Variants in ADGRL3 observed in about 807,000 individuals in gnomAD.
ADGRL3 encodes calcium-independent alpha-latrotoxin receptor 3.
In ADGRL3, 62 loss-of-function variants were observed where a neutral mutation model predicts 153.5. The ratio of observed to expected loss-of-function variants is 0.40; its 90% CI spans 0.33 to 0.50. The LOEUF is 0.50. ADGRL3 is among the 20% of genes least tolerant of loss of function. The pLI, the probability that ADGRL3 is intolerant of heterozygous loss-of-function variation, is 0.47. For missense variants in ADGRL3, 1,641 were observed against 1,859.4 expected (o/e 0.88, Z 2.16); for synonymous variants, 710 against 672.5 (o/e 1.06, Z -0.86).
chr4:61,456,944 A>G (rs1255651804), intron 2 of ADGRL3, among the ~76,000 whole-genome samples: 1 of 152,022 alleles, frequency 6.6e-6, no homozygotes, highest in Non-Finnish European at 1.5e-5. Context: ...ATCTTTTTAT[A>G]CATGTTTTCA....
chr4:61,730,710 A>G (rs999496392), intron 7 of ADGRL3, 74 bp downstream of exon 7: 14 of 371,398 alleles, frequency 3.8e-5, no homozygotes, highest in African/African-American at 2.7e-4. Flanking sequence ...TTTAGTTAAA[A>G]TAATTTTGTT....
chr4:61,961,593 A>T (rs182451007), intron 17 of ADGRL3, among the ~76,000 whole-genome samples: 12 of 152,276 alleles, frequency 7.9e-5, no homozygotes, highest in Non-Finnish European at 1.6e-4. Flanking sequence ...AATAGGAAAA[A>T]ATCATCGGAG....
At chr4:61,919,146 T>C (rs550309757) in intron 13 of ADGRL3, among the ~76,000 whole-genome samples, 2 of 152,306 alleles carry the variant, frequency 1.3e-5, no homozygotes, top group African/African-American at 4.8e-5. Context: ...TTAAAGTGGC[T>C]AGAATAAATT....
intron 4 of ADGRL3, among the ~76,000 whole-genome samples, chr4:61,518,924 C>T (rs1195014936): frequency 6.6e-6 from 1 of 152,086 alleles, no homozygotes; most frequent in African/African-American, 2.4e-5. Context: ...TTATTATTCC[C>T]AGAATGTGCT....
intron 1 of ADGRL3, among the ~76,000 whole-genome samples, chr4:61,340,054 C>CT (rs1487243363): frequency 1.3e-5 from 2 of 152,116 alleles, no homozygotes; most frequent in African/African-American, 4.8e-5. Context: ...AGTAGGGTAT[C>CT]TGTGCTTATT....
chr4:61,238,442 GGTGTGTGTGTGTGTGTGTGT>G (rs3065319), intron 1 of ADGRL3, among the ~76,000 whole-genome samples: 1 of 147,460 alleles, frequency 6.8e-6, no homozygotes, highest in Non-Finnish European at 1.5e-5. Flanking sequence ...TCTAATGTGT[GGTGTGTGTGTGTGTGTGTGT>G]GTGTGTGTGT....
intron 25 of ADGRL3, among the ~76,000 whole-genome samples, chr4:62,048,733 T>C (rs1407734471): frequency 6.6e-6 from 1 of 151,452 alleles, no homozygotes; most frequent in Non-Finnish European, 1.5e-5. Context: ...TTTAACTTTT[T>C]TTAGGGATAG....
rs559645922 is a variant in ADGRL3 at position 61,389,656 on chromosome 4, C to G, written c.-174+6467C>G. ...TGAGATTATGTTTTCTAATTAATTTCAAAACCACAGTCAGAATGTGTGGGA... is the reference window on the plus strand; with the variant it reads ...TGAGATTATGTTTTCTAATTAATTTGAAAACCACAGTCAGAATGTGTGGGA... On this transcript the variant is annotated intron_variant, in intron 2 of 26. Coordinates refer to ENST00000683033, the MANE Select transcript of ADGRL3 (RefSeq NM_001387552.1). Among the ~76,000 whole-genome samples, 3 of 151,980 alleles carry G rather than the reference C, an allele frequency of 2.0e-5. No homozygotes were observed. In the East Asian group the frequency reaches 5.8e-4, roughly 30 times the overall value.
At chr4:61,757,809 T>C (rs2096855853) in intron 8 of ADGRL3, among the ~76,000 whole-genome samples, 1 of 152,228 alleles carries the variant, frequency 6.6e-6, no homozygotes, top group African/African-American at 2.4e-5. Context: ...CCAGAGATTC[T>C]GGTATGTTGT....
At chr4:61,757,100 G>T (rs2152119092) in intron 8 of ADGRL3, among the ~76,000 whole-genome samples, 1 of 152,208 alleles carries the variant, frequency 6.6e-6, no homozygotes. Context: ...TTGTGTCTCT[G>T]CCCGGCTTTT....
rs3065319 is a variant in ADGRL3 at position 61,238,442 on chromosome 4, GGTGTGTGTGT to G, written c.-240+36702_-240+36711del. On this transcript the variant is annotated intron_variant, in intron 1 of 26. Coordinates refer to ENST00000683033, the MANE Select transcript of ADGRL3 (RefSeq NM_001387552.1). ...TATTAAAGGGTAAATTCTAATGTGT[GGTGTGTGTGT>G]GTGTGTGTGTGTGTGTGTGTGTGTA... Among the ~76,000 whole-genome samples the G allele has an allele frequency of 2.0e-3, 295 of 147,552 alleles. 2 individuals carry two copies. Among genetic ancestry groups the G allele is most frequent in the African/African-American group, 6.8e-3 (274 of 40,072 alleles).
chr4:61,551,654 G>A (rs1193661753), intron 4 of ADGRL3, among the ~76,000 whole-genome samples: 1 of 151,950 alleles, frequency 6.6e-6, no homozygotes, highest in Admixed American at 6.6e-5. Flanking sequence ...TCTAATTATG[G>A]GGTAATATAC....
intron 9 of ADGRL3, among the ~76,000 whole-genome samples, chr4:61,870,008 GAGAA>G (rs2098434267): frequency 7.4e-6 from 1 of 134,998 alleles, no homozygotes; most frequent in Non-Finnish European, 1.6e-5. Flanking sequence ...GAGAGAGAGA[GAGAA>G]AGGAAAGAAA....
intron 17 of ADGRL3, among the ~76,000 whole-genome samples, chr4:61,972,399 A>G (rs2099031643): frequency 6.6e-6 from 1 of 152,132 alleles, no homozygotes; most frequent in South Asian, 2.1e-4. Context: ...TCCCAGCACC[A>G]TTTATTAAAT....
At chr4:61,346,106 A>C (rs182691255) in intron 1 of ADGRL3, among the ~76,000 whole-genome samples, 1 of 152,188 alleles carries the variant, frequency 6.6e-6, no homozygotes, top group African/African-American at 2.4e-5. Flanking sequence ...AAAAGTATAG[A>C]TCCTCTGTCA....
chr4:61,886,398 G>A (rs563718997), intron 9 of ADGRL3, among the ~76,000 whole-genome samples: 1 of 152,182 alleles, frequency 6.6e-6, no homozygotes, highest in Admixed American at 6.5e-5. Context: ...GACTTTGGAT[G>A]TAAATGAACA....
chr4:61,473,044 A>G (rs555804479), intron 2 of ADGRL3, among the ~76,000 whole-genome samples: 1 of 152,280 alleles, frequency 6.6e-6, no homozygotes, highest in East Asian at 1.9e-4. Flanking sequence ...GGATTTGACA[A>G]TAAGTCCACT....
intron 1 of ADGRL3, among the ~76,000 whole-genome samples, chr4:61,249,710 A>T (rs1560383789): frequency 6.6e-6 from 1 of 152,186 alleles, no homozygotes; most frequent in African/African-American, 2.4e-5. Flanking sequence ...AACTGAGTGT[A>T]TTGCCCCATA....
At chr4:61,935,269 C>A (rs2098833453) in intron 14 of ADGRL3, among the ~76,000 whole-genome samples, 1 of 152,078 alleles carries the variant, frequency 6.6e-6, no homozygotes, top group South Asian at 2.1e-4. Context: ...AGCCTGAGAT[C>A]ACTTACAGTG....
Sources: gnomAD v4.1 joint callset for allele counts (sites outside exome capture counted in the v4.1 genomes callset) on GRCh38, gnomAD v4.1.1 for gene constraint, MANE v1.5 for transcripts, NCBI Gene and HGNC (gene_info 2026-07-23, HGNC 2026-07-21) for gene names.